The following OSBPL10 variants were observed in gnomAD, a reference collection of about 807,000 sequenced individuals.
OSBPL10 encodes the protein oxysterol-binding protein-related protein 10.
OSBPL10 carries 49 observed loss-of-function variants against 81.7 expected under a neutral mutation model. The ratio of observed to expected loss-of-function variants is 0.60; its 90% confidence interval spans 0.48 to 0.76. The LOEUF is 0.76. OSBPL10 is among the 30% of genes least tolerant of loss of function. The probability of loss-of-function intolerance (pLI) is 0.00; values close to 1 mark genes in which losing one functional copy is unlikely to be tolerated. For synonymous variants in OSBPL10, 419 were observed against 383.6 expected (o/e 1.09, Z -1.08); for missense variants, 923 against 987.8 (o/e 0.93, Z 0.88).
At chr3:31,663,746 T>C (rs752276999) in intron 11 of OSBPL10, 41 of 1,180,656 alleles carry the variant, frequency 3.5e-5, no homozygotes, top group East Asian at 5.4e-5. Flanking sequence ...ACAGGTGCCA[T>C]GATGATTTTC....
At chr3:31,892,552 A>G (rs1379488618) in intron 1 of OSBPL10, among the ~76,000 whole-genome samples, 1 of 152,164 alleles carries the variant, frequency 6.6e-6, no homozygotes, top group Non-Finnish European at 1.5e-5. Context: ...ATAAAACTGG[A>G]CAAAACTGTC....
intron 2 of OSBPL10, chr3:31,990,913 C>T (rs2125522078): frequency 6.4e-7 from 1 of 1,574,732 alleles, no homozygotes. Flanking sequence ...TCGCATTAGA[C>T]ATCAGAGAAT....
At chr3:31,783,112 TA>T (rs200211225) in intron 4 of OSBPL10, among the ~76,000 whole-genome samples, 3,733 of 11,096 alleles carry the variant, frequency 0.34, 104 homozygotes, top group East Asian at 0.47. Context: ...ATATATCTAT[TA>T]TATATATATA....
At chr3:32,017,058 G>A (rs1186297563) in intron 2 of OSBPL10, among the ~76,000 whole-genome samples, 1 of 152,132 alleles carries the variant, frequency 6.6e-6, no homozygotes, top group Non-Finnish European at 1.5e-5. Flanking sequence ...TTAGTTCAAA[G>A]TTTTGCCCTT....
rs555104296 is a variant in OSBPL10, at chr3:31,970,440, G to C, written c.281+10459C>G. 4.6e-5 allele frequency among the ~76,000 whole-genome samples: 7 copies of C among 152,298 alleles called. No homozygotes were observed. In the East Asian group the frequency reaches 1.4e-3, roughly 29 times the overall value. ...TCTATATTCCAACAGGAAAGGAAAA[G>C]GTAAGAAGAGTACAAAGAAGGTTCC... On this transcript the variant is annotated intron_variant, in intron 1 of 11. Coordinates refer to ENST00000396556, the MANE Select transcript of OSBPL10 (RefSeq NM_017784.5).
intron 4 of OSBPL10, among the ~76,000 whole-genome samples, chr3:31,812,812 A>AAGAAAGAAAGAAAGAAAGAAAGAG (rs1699738836): frequency 1.7e-5 from 1 of 58,062 alleles, no homozygotes; most frequent in African/African-American, 7.2e-5. Flanking sequence ...GAAAGAAAGA[A>AAGAAAGAAAGAAAGAAAGAAAGAG]AGAAAGAGAA....
At chr3:31,684,904 T>C (rs1700752958) in intron 7 of OSBPL10, among the ~76,000 whole-genome samples, 1 of 152,186 alleles carries the variant, frequency 6.6e-6, no homozygotes, top group East Asian at 1.9e-4. Flanking sequence ...AGGTTTGTTA[T>C]TGGCACCATG....
chr3:31,827,832 A>G (rs1700138266), intron 4 of OSBPL10, among the ~76,000 whole-genome samples: 1 of 152,200 alleles, frequency 6.6e-6, no homozygotes, highest in Non-Finnish European at 1.5e-5. Context: ...TAGAATTTAT[A>G]TAAATAAAAC....
intron 2 of OSBPL10, among the ~76,000 whole-genome samples, chr3:32,045,569 T>C (rs1699613143): frequency 6.6e-6 from 1 of 152,166 alleles, no homozygotes; most frequent in African/African-American, 2.4e-5. Flanking sequence ...CTAAAGGGGT[T>C]CCAAACTGAC....
intron 1 of OSBPL10, among the ~76,000 whole-genome samples, chr3:31,978,202 A>T (rs1698737032): frequency 6.6e-6 from 1 of 152,210 alleles, no homozygotes; most frequent in Non-Finnish European, 1.5e-5. Context: ...ATGAACCAAG[A>T]ACTTGGTTGC....
chr3:31,666,582 G>A (rs1559405514), intron 10 of OSBPL10, among the ~76,000 whole-genome samples: 1 of 152,184 alleles, frequency 6.6e-6, no homozygotes, highest in Non-Finnish European at 1.5e-5. Flanking sequence ...CGTTTCCTCT[G>A]CAGAGAACAA....
intron 4 of OSBPL10, among the ~76,000 whole-genome samples, chr3:31,768,553 A>ATGT (rs10642406): frequency 0.81 from 123,066 of 151,902 alleles, 50,116 homozygotes; most frequent in African/African-American, 0.9. Flanking sequence ...AAATAAACAC[A>ATGT]TGTAATTCTT....
chr3:31,987,696 G>A (rs1698955657), intron 2 of OSBPL10, among the ~76,000 whole-genome samples: 1 of 152,210 alleles, frequency 6.6e-6, no homozygotes, highest in Non-Finnish European at 1.5e-5. Flanking sequence ...TCCAAAGAGA[G>A]GAAGCCGGAA....
intron 1 of OSBPL10, among the ~76,000 whole-genome samples, chr3:31,950,125 G>A (rs1697827081): frequency 6.6e-6 from 1 of 151,988 alleles, no homozygotes; most frequent in African/African-American, 2.4e-5. Context: ...AAGAGAATAT[G>A]GAAAAGAAGT....
At chr3:31,754,854 G>T (rs990772174) in intron 4 of OSBPL10, among the ~76,000 whole-genome samples, 2 of 152,006 alleles carry the variant, frequency 1.3e-5, no homozygotes, top group Non-Finnish European at 2.9e-5. Flanking sequence ...TGATTGTCCT[G>T]GTTCTTGATA....
intron 2 of OSBPL10, among the ~76,000 whole-genome samples, chr3:32,004,754 C>G (rs966001084): frequency 6.6e-6 from 1 of 152,114 alleles, no homozygotes; most frequent in Non-Finnish European, 1.5e-5. Flanking sequence ...CAGACACATG[C>G]GCAGTTATTT....
chr3:31,801,290 G>T (rs550941143), intron 4 of OSBPL10, among the ~76,000 whole-genome samples: 1 of 152,264 alleles, frequency 6.6e-6, no homozygotes, highest in East Asian at 1.9e-4. Flanking sequence ...TTGGAGTTGG[G>T]GAAGTTCCCT....
chr3:31,925,787 T>C (rs909796612), intron 1 of OSBPL10, among the ~76,000 whole-genome samples: 1 of 152,068 alleles, frequency 6.6e-6, no homozygotes, highest in African/African-American at 2.4e-5. Flanking sequence ...CACTCCAGCC[T>C]GGGCAATAGA....
intron 1 of OSBPL10, among the ~76,000 whole-genome samples, chr3:31,893,774 T>G (rs1695975192): frequency 6.6e-6 from 1 of 152,214 alleles, no homozygotes; most frequent in Non-Finnish European, 1.5e-5. Context: ...TGTATCATTC[T>G]ATTTATATAA....
Sources: allele counts gnomAD v4.1 joint callset (sites outside exome capture counted in the v4.1 genomes callset), GRCh38; gene constraint gnomAD v4.1.1; transcripts MANE v1.5; gene names NCBI Gene and HGNC (gene_info 2026-07-23, HGNC 2026-07-21).